Variants in SVIP observed in about 807,000 individuals in gnomAD.
The protein encoded by SVIP is small VCP interacting protein, also known as small VCP/p97-interacting protein.
SVIP carries 14 observed loss-of-function variants against 12.9 expected under a neutral mutation model. That is an observed-to-expected ratio of 1.08 (90% CI 0.72 to 1.70). SVIP has a LOEUF of 1.70. Among genes scored for constraint, SVIP ranks in the 40% most tolerant of loss-of-function variants. The pLI, the probability that SVIP is intolerant of heterozygous loss-of-function variation, is 0.00. For missense variants in SVIP, 93 were observed against 90.8 expected (o/e 1.02, Z -0.10); for synonymous variants, 35 against 33.3 (o/e 1.05, Z -0.17).
chr11:22,828,611 G>C (rs1246218397), intron 1 of SVIP, among the ~76,000 whole-genome samples: 1 of 152,122 alleles, frequency 6.6e-6, no homozygotes, highest in Non-Finnish European at 1.5e-5. Flanking sequence ...CATCCAAGCA[G>C]TGAGCCGTGT....
At position 22,821,104 on chromosome 11, in the gene SVIP, G is replaced by GTA. The variant is rs962026396; in HGVS notation, c.*2013_*2014dup. 8 of 145,932 alleles carry GTA rather than the reference G, an allele frequency of 5.5e-5. No individual in the cohort carries two copies. Among genetic ancestry groups the GTA allele is most frequent in the South Asian group, 4.3e-4 (2 of 4,690 alleles). 9.0% of individuals were successfully genotyped at this position (145,932 alleles called of 1,614,324 possible). A position where few individuals can be genotyped will look rare whatever the true frequency, so the allele number is the denominator to read the frequency against. ...AAATTAGAATTTGCAGATATTATGT[G>GTA]TATATATATACACACATATATAATA... On this transcript the variant is annotated 3_prime_UTR_variant, in exon 4 of 4. Transcript: ENST00000354193.
intron 1 of SVIP, among the ~76,000 whole-genome samples, chr11:22,828,339 G>A (rs1857802023): frequency 6.6e-6 from 1 of 152,150 alleles, no homozygotes; most frequent in Admixed American, 6.5e-5. Context: ...TCAGAAAACA[G>A]TGAATGCTAT....
chr11:22,829,773 A>C lies in SVIP; in HGVS notation c.-25T>G. 1 of 1,594,202 alleles carries C rather than the reference A, an allele frequency of 6.3e-7. No individual in the cohort carries two copies. Among genetic ancestry groups the C allele is most frequent in the Non-Finnish European group, 8.5e-7 (1 of 1,171,272 alleles). ...TAGGGACGACAGCTTGAGAACCCTG[A>C]CCGGGTCCGGCCCAGGCCAGGCGGC... On this transcript the variant is annotated 5_prime_UTR_variant, in exon 1 of 4. Coordinates refer to ENST00000354193, the MANE Select transcript of SVIP (RefSeq NM_148893.3).
intron 2 of SVIP, 100 bp from the exon 3 acceptor site, chr11:22,827,420 G>C (rs1015171931): frequency 4.2e-6 from 4 of 955,938 alleles, no homozygotes; most frequent in Non-Finnish European, 6.4e-6. Context: ...TTTTCTTTGG[G>C]GGTAGGGAGT....
intron 3 of SVIP, 51 bp downstream of exon 3, chr11:22,827,155 GT>G (rs1857740570): frequency 7.1e-7 from 1 of 1,416,426 alleles, no homozygotes; most frequent in Non-Finnish European, 9.9e-7. Context: ...TGCTACTTAA[GT>G]TTTTTTAAAA....
chr11:22,828,023 T>C lies in SVIP; in HGVS notation c.55-149A>G, dbSNP rs1857788400. The C allele has an allele frequency of 1.9e-5, 10 of 518,014 alleles. No homozygotes were observed. In the South Asian group the frequency reaches 3.9e-4, roughly 20 times the overall value. 32.1% of individuals were successfully genotyped at this position (518,014 alleles called of 1,614,324 possible). ...ACAAAGAATGCCACTACTCAACTTT[T>C]TGAATTTCATTCTCCTAATCAATAT... On this transcript the variant is annotated intron_variant, in intron 1 of 3. Transcript: ENST00000354193.
At chr11:22,824,422 TTATA>T (rs56298778) in intron 3 of SVIP, among the ~76,000 whole-genome samples, 1 of 144,738 alleles carries the variant, frequency 6.9e-6, no homozygotes, top group Admixed American at 7.0e-5. Flanking sequence ...ATTGGGTGTT[TTATA>T]TATATATATA....
In SVIP at chr11:22,821,536, T is replaced by C. The variant is rs970627565; in HGVS notation, c.*1583A>G. On this transcript the variant is annotated 3_prime_UTR_variant, in exon 4 of 4. Transcript: ENST00000354193. ...TAAAGACAAAATTGTTCTTGCTATATTAAAATGGAAGAAAGGATTTGCAGA... is the reference window on the plus strand; with the variant it reads ...TAAAGACAAAATTGTTCTTGCTATACTAAAATGGAAGAAAGGATTTGCAGA... The C allele has an allele frequency of 3.3e-5, 5 of 152,188 alleles. No homozygotes were observed. The highest frequency in any genetic ancestry group is 3.3e-4 in the Admixed American group (5 of 15,276). 9.4% of individuals were successfully genotyped at this position (152,188 alleles called of 1,614,324 possible).
rs555063413 is a variant in SVIP at position 22,823,599 on chromosome 11, G to A, written c.220-466C>T. Among the ~76,000 whole-genome samples, 79 of 152,152 alleles carry A rather than the reference G, an allele frequency of 5.2e-4. 1 individual carries two copies. Among genetic ancestry groups the A allele is most frequent in the Non-Finnish European group, 1.0e-3 (69 of 68,010 alleles). ...GGCACTCATCTGAGGTTCAAGTGGG[G>A]CACACACAGATGTCATCAACCCCAG... is the stretch of plus-strand genomic sequence containing the variant. On this transcript the variant is annotated intron_variant, in intron 3 of 3. Transcript: ENST00000354193.
chr11:22,827,516 T>C (rs1857761109), intron 2 of SVIP, among the ~76,000 whole-genome samples, 196 bp from the exon 3 acceptor site: 1 of 152,142 alleles, frequency 6.6e-6, no homozygotes, highest in African/African-American at 2.4e-5. Flanking sequence ...TTTGTAACTA[T>C]ACAAATTTTC....
chr11:22,826,900 C>A (rs184139595), intron 3 of SVIP, among the ~76,000 whole-genome samples: 1 of 152,132 alleles, frequency 6.6e-6, no homozygotes, highest in East Asian at 1.9e-4. Context: ...GACTTTTACA[C>A]TTCTTTATAC....
rs1472013357 is a variant in SVIP, at chr11:22,827,848, C to A, written c.81G>T (p.Glu27Asp). Reference sequence around the variant, plus strand: ...CCTCTTTTTGTCTTCTCTCTGCAGCCTCTGCAAGCTTTGCTCTTTTCTCTT... The same window carrying A: ...CCTCTTTTTGTCTTCTCTCTGCAGCATCTGCAAGCTTTGCTCTTTTCTCTT... ...DLEEKRAKLA[E>D]AAERRQKEAA... The change falls in exon 2 of 4, where the codon GAG (glutamate) becomes GAT (aspartate). Residue 27 changes from glutamate (E) to aspartate (D), a missense_variant. Transcript: ENST00000354193. 3.2e-6 allele frequency: 5 copies of A among 1,582,932 alleles called. No individual in the cohort carries two copies. Among genetic ancestry groups the A allele is most frequent in the East Asian group, 2.3e-5 (1 of 43,898 alleles).
chr11:22,827,206 C>T lies in SVIP; in HGVS notation c.219+1G>A. 6.2e-7 allele frequency: 1 copy of T among 1,604,428 alleles called. No individual in the cohort carries two copies. Among genetic ancestry groups the T allele is most frequent in the South Asian group, 1.1e-5 (1 of 89,604 alleles). On this transcript the variant is annotated splice_donor_variant, in intron 3 of 3. Coordinates refer to ENST00000354193, the MANE Select transcript of SVIP (RefSeq NM_148893.3). LOFTEE classifies it high-confidence loss of function. ...ATCACTAAGAAAATTTTAATACTTA[C>T]CCTAAGTCCACCTTCTGGTGGGGGC...
rs1425799079 is a variant in SVIP at position 22,819,911 on chromosome 11, G to A, written c.*3208C>T. The A allele has an allele frequency of 1.3e-5, 2 of 152,168 alleles. No homozygotes were observed. Among genetic ancestry groups the A allele is most frequent in the Admixed American group, 1.3e-4 (2 of 15,276 alleles). The allele number at this position is 152,168 out of a possible 1,614,324, so 9.4% of individuals were successfully genotyped here. ...CATTCAAAGTCAATATTTGCAAGAT[G>A]AAGCATAACTAGAAGAGGGAGACTA... On this transcript the variant is annotated 3_prime_UTR_variant, in exon 4 of 4. Transcript: ENST00000354193.
chr11:22,826,824 C>A (rs1210411237), intron 3 of SVIP, among the ~76,000 whole-genome samples: 1 of 152,048 alleles, frequency 6.6e-6, no homozygotes, highest in South Asian at 2.1e-4. Context: ...TAGCGTAATC[C>A]AATTTAATAA....
At chr11:22,824,264 C>T (rs992180708) in intron 3 of SVIP, among the ~76,000 whole-genome samples, 6 of 151,932 alleles carry the variant, frequency 3.9e-5, no homozygotes, top group Admixed American at 6.6e-5. Context: ...AAGGTCTTTT[C>T]CTTCTTGAGT....
Position 22,829,692 on chromosome 11 carries a change from C to T in SVIP, c.54+3G>A, listed in dbSNP as rs889047354. 2.3e-5 allele frequency: 37 copies of T among 1,599,420 alleles called. No individual in the cohort carries two copies. The highest frequency in any genetic ancestry group is 3.0e-5 in the Non-Finnish European group (35 of 1,174,056). ...GGCGGACGCAGGGACCTGCTCTACT[C>T]ACCAGGTCCGGCGTGGGAGGCGCGG... On this transcript the variant is annotated splice_donor_region_variant and intron_variant, in intron 1 of 3. Coordinates refer to ENST00000354193, the MANE Select transcript of SVIP (RefSeq NM_148893.3).
At position 22,819,075 on chromosome 11, in the gene SVIP, A is replaced by G. The variant is rs1194039937; in HGVS notation, c.*4044T>C. ...TTCATTGCTTGCATATAAACATAGA[A>G]TTGACTTTCATATACTTTTCATTCT... On this transcript the variant is annotated 3_prime_UTR_variant, in exon 4 of 4. Transcript: ENST00000354193. 1 of 152,224 alleles carries G rather than the reference A, an allele frequency of 6.6e-6. No individual in the cohort carries two copies. The highest frequency in any genetic ancestry group is 1.5e-5 in the Non-Finnish European group (1 of 68,038). The allele number at this position is 152,224 out of a possible 1,614,324, so 9.4% of individuals were successfully genotyped here.
In SVIP at chr11:22,820,567, G is replaced by T. The variant is rs1477914051; in HGVS notation, c.*2552C>A. ...TCAGGTTCTAAGTATTTAGGATGTAGTAAAGATAAAATTTTGTTAAAGAGA... is the reference window on the plus strand; with the variant it reads ...TCAGGTTCTAAGTATTTAGGATGTATTAAAGATAAAATTTTGTTAAAGAGA... On this transcript the variant is annotated 3_prime_UTR_variant, in exon 4 of 4. Transcript: ENST00000354193. 1 of 152,082 alleles carries T rather than the reference G, an allele frequency of 6.6e-6. No individual in the cohort carries two copies. The highest frequency in any genetic ancestry group is 1.9e-4 in the East Asian group (1 of 5,186). 9.4% of individuals were successfully genotyped at this position (152,082 alleles called of 1,614,324 possible).
Sources: gnomAD v4.1 joint callset for allele counts (sites outside exome capture counted in the v4.1 genomes callset) on GRCh38, gnomAD v4.1.1 for gene constraint, MANE v1.5 for transcripts, NCBI Gene and HGNC (gene_info 2026-07-23, HGNC 2026-07-21) for gene names.